The following PGGHG variants were observed in gnomAD, a reference collection of about 807,000 sequenced individuals.
PGGHG encodes ATH1, acid trehalase-like 1.
A neutral mutation model predicts 74.5 loss-of-function variants in PGGHG; 67 were observed. That is an observed-to-expected ratio of 0.90 (90% CI 0.74 to 1.10). PGGHG has a LOEUF of 1.10. PGGHG is among the 50% of genes least tolerant of loss of function. The pLI, the probability that PGGHG is intolerant of heterozygous loss-of-function variation, is 0.00. For synonymous variants in PGGHG, 496 were observed against 419.9 expected (o/e 1.18, Z -2.21); for missense variants, 1,034 against 981.5 (o/e 1.05, Z -0.72).
At position 289,805 on chromosome 11, in the gene PGGHG, C is replaced by A. The variant is rs1845660757; in HGVS notation, c.-12C>A. On this transcript the variant is annotated splice_region_variant and 5_prime_UTR_variant, in exon 2 of 14. Transcript: ENST00000409548. This position sits in a 1 kb window ranked among gnomAD's most constrained non-coding sequence, Gnocchi z 5.6. ...CTGACACCCCATCAGGCCGCTCAGG[C>A]CCAGCAGCTCCATGGAGGACGCCGG... 1.9e-6 allele frequency: 3 copies of A among 1,546,870 alleles called. No individual in the cohort carries two copies. The highest frequency in any genetic ancestry group is 1.2e-5 in the South Asian group (1 of 83,562).
Position 291,303 on chromosome 11 carries a change from C to G in PGGHG, c.906+190C>G, listed in dbSNP as rs1031308928. 4.1e-6 allele frequency: 3 copies of G among 725,224 alleles called. No homozygotes were observed. The African/African-American group carries it at 5.4e-5, about 13-fold the overall frequency. The allele number at this position is 725,224 out of a possible 1,614,324, so 44.9% of individuals were successfully genotyped here. On this transcript the variant is annotated intron_variant, in intron 4 of 13. Coordinates refer to ENST00000409548, the MANE Select transcript of PGGHG (RefSeq NM_025092.5). ...GTGAGGGGAATGGAAGGTGCAGAGA[C>G]CAGAGCTGAGAGGGCCTGAGGCACT...
chr11:294,800 T>G lies in PGGHG; in HGVS notation c.*51T>G. 6.6e-7 allele frequency: 1 copy of G among 1,525,028 alleles called. No homozygotes were observed. The highest frequency in any genetic ancestry group is 8.8e-7 in the Non-Finnish European group (1 of 1,131,072). 94.5% of individuals were successfully genotyped at this position (1,525,028 alleles called of 1,614,324 possible). On this transcript the variant is annotated 3_prime_UTR_variant, in exon 14 of 14. Coordinates refer to ENST00000409548, the MANE Select transcript of PGGHG (RefSeq NM_025092.5). ...CTCTTGGGCCTTCCCTCTGGCCACG[T>G]CTGCACCCACCCCTCCTGGGCACCC...
In PGGHG at chr11:293,863, G is replaced by A. The variant is rs1387046908; in HGVS notation, c.1648G>A (p.Asp550Asn). 1.2e-6 allele frequency: 2 copies of A among 1,613,588 alleles called. No individual in the cohort carries two copies. Among genetic ancestry groups the A allele is most frequent in the Admixed American group, 1.7e-5 (1 of 59,994 alleles). The change falls in exon 11 of 14, where the codon GAC (aspartate) becomes AAC (asparagine). Residue 550 changes from aspartate to asparagine, a missense_variant. Transcript: ENST00000409548. ...TGCTGTGGGCTGGATGGAGCTGAAGGACGCAGTGCGGGCCCGGGGCCTCCT... is the reference window on the plus strand; with the variant it reads ...TGCTGTGGGCTGGATGGAGCTGAAGAACGCAGTGCGGGCCCGGGGCCTCCT... Reference protein sequence around the residue: ...MFAVGWMELKDAVRARGLLDR... With the variant: ...MFAVGWMELKNAVRARGLLDR...
Position 293,013 on chromosome 11 carries a change from G to T in PGGHG, c.1270+16G>T. ...CACCTGAGGGGTGAGGCCATGGTGG[G>T]GAGGGGCTCGGGGAGGAAGGGTGGA... On this transcript the variant is annotated intron_variant, in intron 7 of 13. Transcript: ENST00000409548. The T allele has an allele frequency of 2.5e-6, 4 of 1,613,968 alleles. No individual in the cohort carries two copies. The highest frequency in any genetic ancestry group is 3.4e-6 in the Non-Finnish European group (4 of 1,179,908).
intron 5 of PGGHG, 136 bp downstream of exon 5, chr11:292,231 T>C: frequency 7.8e-7 from 1 of 1,281,858 alleles, no homozygotes. Context: ...CCCTGAGGCT[T>C]GTGGGGCCTC....
rs75015390 is a variant in PGGHG, at chr11:289,971, A to G, written c.155A>G (p.Asp52Gly). 6.5e-7 allele frequency: 1 copy of G among 1,549,856 alleles called. No homozygotes were observed. The highest frequency in any genetic ancestry group is 8.7e-7 in the Non-Finnish European group (1 of 1,146,842). Residue 52 changes from aspartate (D) to glycine (G), a missense_variant, in exon 2 of 14, where the codon GAC becomes GGC. Physicochemically the swap from Asp to Gly is moderately conservative, Grantham distance 94. Coordinates refer to ENST00000409548, the MANE Select transcript of PGGHG (RefSeq NM_025092.5). This position sits in a 1 kb window ranked among gnomAD's most constrained non-coding sequence, Gnocchi z 5.6. ...GGCGTGTACAATGGGGCTGGCGGGG[A>G]CACGCACCGGGCCATGCTGCCCAGC... ...VSGVYNGAGG[D>G]THRAMLPSPL...
At chr11:293,980 C>T (rs1191069873) in intron 11 of PGGHG, 55 bp downstream of exon 11, 1 of 1,595,578 alleles carries the variant, frequency 6.3e-7, no homozygotes, top group Non-Finnish European at 8.5e-7. Context: ...GAGTGGAGCC[C>T]AGCCTCAGAG....
intron 4 of PGGHG, chr11:291,724 C>T (rs746138425): frequency 5.7e-5 from 27 of 471,614 alleles, no homozygotes; most frequent in Non-Finnish European, 9.3e-5. Flanking sequence ...CATATTCGGG[C>T]TGGAGCCTCT....
In PGGHG at chr11:294,281, G is replaced by C; in HGVS notation, c.1823G>C (p.Gly608Ala). ...GCTGFRVTRA[G>A]VTFDPVCLSG... Reference sequence around the variant, plus strand: ...TCCTCCCACAGGGTCACCCGAGCGGGTGTGACCTTTGACCCTGTGTGTCTG... The same window carrying C: ...TCCTCCCACAGGGTCACCCGAGCGGCTGTGACCTTTGACCCTGTGTGTCTG... The change falls in exon 13 of 14, where the codon GGT becomes GCT. Residue 608 changes from glycine (G) to alanine (A), a missense_variant. By Grantham distance (60) the Gly-to-Ala change is moderately conservative. Transcript: ENST00000409548. 1 of 1,609,160 alleles carries C rather than the reference G, an allele frequency of 6.2e-7. No homozygotes were observed. The highest frequency in any genetic ancestry group is 8.5e-7 in the Non-Finnish European group (1 of 1,177,670).
At chr11:290,337 C>T in intron 2 of PGGHG, 53 bp from the exon 3 acceptor site, 2 of 1,508,838 alleles carry the variant, frequency 1.3e-6, no homozygotes, top group Middle Eastern at 2.3e-4. Context: ...CCACTCCTGC[C>T]CCAGAGAGGC....
chr11:293,042 T>C (rs1460388071), intron 7 of PGGHG, 45 bp downstream of exon 7: 7 of 1,613,596 alleles, frequency 4.3e-6, no homozygotes, highest in East Asian at 2.2e-5. Context: ...GGGTGGATGC[T>C]CCCAGACTCA....
intron 8 of PGGHG, 32 bp downstream of exon 8, chr11:293,267 C>T (rs1481183783): frequency 6.2e-7 from 1 of 1,605,300 alleles, no homozygotes; most frequent in African/African-American, 1.3e-5. Context: ...CCTCACCCCA[C>T]CCCCGCCCCA....
In PGGHG at chr11:294,748, A is replaced by G. The variant is rs749578806; in HGVS notation, c.2213A>G (p.Ter738=). ...CTCACTGTGGACCCTGCCTCTGAAT[A>G]ATCAGGAACGGTGGCTTCAGAGACG... ...ESLTVDPASE[*] The change falls in exon 14 of 14, where the codon TAA becomes TGA. Residue 738 remains the stop codon, a stop_retained_variant. Transcript: ENST00000409548. 11 of 1,589,994 alleles carry G rather than the reference A, an allele frequency of 6.9e-6. No homozygotes were observed. The East Asian group carries it at 2.5e-4, about 36-fold the overall frequency.
In PGGHG at chr11:294,151, T is replaced by TG. The variant is rs1217672631; in HGVS notation, c.1769dup (p.Phe591LeufsTer22). ...GGCGCTGTGAACTTCCTGACAGGCA[T>TG]GGGGGGCTTCCTGCAGGCGGTGGTC... On this transcript the variant is annotated frameshift_variant, in exon 12 of 14. Transcript: ENST00000409548. LOFTEE classifies it high-confidence loss of function. 3 of 1,612,642 alleles carry TG rather than the reference T, an allele frequency of 1.9e-6. No homozygotes were observed. In the African/African-American group the frequency reaches 4.0e-5, roughly 22 times the overall value.
At position 292,445 on chromosome 11, in the gene PGGHG, G is replaced by T. The variant is rs1022126946; in HGVS notation, c.1027-101G>T. The T allele has an allele frequency of 1.3e-5, 19 of 1,461,660 alleles. No homozygotes were observed. In the Admixed American group the frequency reaches 2.6e-4, roughly 20 times the overall value. The allele number at this position is 1,461,660 out of a possible 1,614,324, so 90.5% of individuals were successfully genotyped here. A position where few individuals can be genotyped will look rare whatever the true frequency, so the allele number is the denominator to read the frequency against. On this transcript the variant is annotated intron_variant, in intron 5 of 13. Transcript: ENST00000409548. ...AGTAGCACCCGCCAGGGTACCTGGC[G>T]CAGGCCGAGCCCCCCCTCCTCCAGG...
chr11:290,459 T>A lies in PGGHG; in HGVS notation c.329T>A (p.Leu110Gln), dbSNP rs1378303156. The A allele has an allele frequency of 1.3e-6, 2 of 1,549,684 alleles. No homozygotes were observed. Among genetic ancestry groups the A allele is most frequent in the Non-Finnish European group, 1.7e-6 (2 of 1,146,922 alleles). ...CAGTGCATCTATGCGCATCGCACGC[T>A]GCCCCACGTGCTGGCTTTCCGAGTG... is the stretch of plus-strand genomic sequence containing the variant. ...ASQCIYAHRTLPHVLAFRVSI... is the reference protein window; with the variant it reads ...ASQCIYAHRTQPHVLAFRVSI... The change falls in exon 3 of 14, where the codon CTG becomes CAG. Residue 110 changes from leucine to glutamine, a missense_variant. By Grantham distance (113) the Leu-to-Gln change is moderately radical (BLOSUM62 -2). Transcript: ENST00000409548.
In PGGHG at chr11:293,883, C is replaced by A. The variant is rs1423235094; in HGVS notation, c.1668C>A (p.Gly556=). 2 of 1,613,560 alleles carry A rather than the reference C, an allele frequency of 1.2e-6. No individual in the cohort carries two copies. The highest frequency in any genetic ancestry group is 1.1e-5 in the South Asian group (1 of 91,074). Residue 556 remains glycine, a synonymous_variant, in exon 11 of 14, where the codon GGC becomes GGA. Coordinates refer to ENST00000409548, the MANE Select transcript of PGGHG (RefSeq NM_025092.5). ...MELKDAVRAR[G]LLDRSFANMA... The stretch of plus-strand genomic sequence containing the variant: ...TGAAGGACGCAGTGCGGGCCCGGGG[C>A]CTCCTGGACAGGAGCTTTGCCAACA...
At position 295,233 on chromosome 11, in the gene PGGHG, C is replaced by T. The variant is rs989459306; in HGVS notation, c.*484C>T. 6.5e-6 allele frequency: 1 copy of T among 153,896 alleles called. No individual in the cohort carries two copies. The highest frequency in any genetic ancestry group is 2.4e-5 in the African/African-American group (1 of 41,512). 9.5% of individuals were successfully genotyped at this position (153,896 alleles called of 1,614,324 possible). Reference sequence around the variant, plus strand: ...TCAGGACTCTCAGGTGCAGCTTTGCCAAAAAGGAACTTTTCATGTCATGCA... The same window carrying T: ...TCAGGACTCTCAGGTGCAGCTTTGCTAAAAAGGAACTTTTCATGTCATGCA... On this transcript the variant is annotated 3_prime_UTR_variant, in exon 14 of 14. Transcript: ENST00000409548.
chr11:294,548 C>T lies in PGGHG; in HGVS notation c.2021-8C>T. 1 of 584,074 alleles carries T rather than the reference C, an allele frequency of 1.7e-6. No homozygotes were observed. Among genetic ancestry groups the T allele is most frequent in the Non-Finnish European group, 2.4e-6 (1 of 416,420 alleles). 36.2% of individuals were successfully genotyped at this position (584,074 alleles called of 1,614,324 possible). On this transcript the variant is annotated splice_polypyrimidine_tract_variant and splice_region_variant and intron_variant, in intron 13 of 13. Transcript: ENST00000409548. ...CCCCTCACCCCCAGGCTGCCTCTCT[C>T]CCTGCAGGACACAAGGTCTCCTTTC...
Sources: allele counts gnomAD v4.1 joint callset, GRCh38; gene constraint gnomAD v4.1.1; non-coding constraint Gnocchi (gnomAD v3.1); transcripts MANE v1.5; gene names NCBI Gene and HGNC (gene_info 2026-07-23, HGNC 2026-07-21).